The following CDCA7L variants were observed in gnomAD, a reference collection of about 807,000 sequenced individuals.
CDCA7L encodes the protein cell division cycle associated 7 like, also known as cell division cycle-associated 7-like protein.
CDCA7L carries 44 observed loss-of-function variants against 57.4 expected under a neutral mutation model. That is an observed-to-expected ratio of 0.77 (90% CI 0.60 to 0.98). CDCA7L has a LOEUF of 0.98. CDCA7L is among the 50% of genes least tolerant of loss of function. The probability of loss-of-function intolerance (pLI) is 0.00; values close to 1 mark genes in which losing one functional copy is unlikely to be tolerated. For missense variants in CDCA7L, 644 were observed against 580.6 expected (o/e 1.11, Z -1.12); for synonymous variants, 236 against 202.8 (o/e 1.16, Z -1.39).
rs1291042776 is a variant in CDCA7L at position 21,906,348 on chromosome 7, C to T, written c.862G>A (p.Val288Ile). 1 of 1,613,238 alleles carries T rather than the reference C, an allele frequency of 6.2e-7. No homozygotes were observed. The highest frequency in any genetic ancestry group is 1.3e-5 in the African/African-American group (1 of 74,858). Residue 288 changes from valine (V) to isoleucine (I), a missense_variant, in exon 6 of 10, where the codon GTC becomes ATC. By Grantham distance (29) the Val-to-Ile change is conservative. Transcript: ENST00000406877. ...TCTTCCGCAAATTTAGCGGCTGAGA[C>T]AGTGAAGTTCTCTAGAGCAAACTTC... ...PEKFALENFTVSAAKFAEEFY... is the reference protein window; with the variant it reads ...PEKFALENFTISAAKFAEEFY...
chr7:21,914,028 C>T (rs1785408350), intron 2 of CDCA7L, among the ~76,000 whole-genome samples: 1 of 152,190 alleles, frequency 6.6e-6, no homozygotes, highest in African/African-American at 2.4e-5. Flanking sequence ...ATACTGGGTG[C>T]TATGCTATAG....
chr7:21,936,609 A>G (rs1435689961), intron 1 of CDCA7L, among the ~76,000 whole-genome samples: 1 of 152,172 alleles, frequency 6.6e-6, no homozygotes, highest in Non-Finnish European at 1.5e-5. Flanking sequence ...CATCTGACAA[A>G]ATTCAACACC....
intron 1 of CDCA7L, among the ~76,000 whole-genome samples, chr7:21,941,999 G>A (rs1395329593): frequency 3.3e-5 from 5 of 152,178 alleles, no homozygotes; most frequent in Admixed American, 1.3e-4. Flanking sequence ...AGAAGAGGAA[G>A]GGAGTTCAAG....
intron 1 of CDCA7L, among the ~76,000 whole-genome samples, chr7:21,932,291 C>T (rs1204888698): frequency 6.6e-6 from 1 of 151,944 alleles, no homozygotes; most frequent in Admixed American, 6.6e-5. Context: ...TACAGAATTA[C>T]AAAAATCTAC....
Position 21,904,363 on chromosome 7 carries a change from G to A in CDCA7L, c.1048-104C>T, listed in dbSNP as rs146760401. ...TCCAAGTATATGAAGAAATACCCCC[G>A]TCTCCTCGAATCAAGCAGGACTGTT... On this transcript the variant is annotated intron_variant, in intron 7 of 9. Transcript: ENST00000406877. The A allele has an allele frequency of 3.8e-4, 438 of 1,144,796 alleles. No homozygotes were observed. The African/African-American group carries it at 4.2e-3, about 11-fold the overall frequency. The allele number at this position is 1,144,796 out of a possible 1,614,324, so 70.9% of individuals were successfully genotyped here.
In CDCA7L at chr7:21,931,235, C is replaced by T. The variant is rs138594667; in HGVS notation, c.25-14341G>A. 4.4e-3 allele frequency among the ~76,000 whole-genome samples: 675 copies of T among 152,228 alleles called. 6 individuals are homozygous for T. The highest frequency in any genetic ancestry group is 0.042 in the East Asian group (216 of 5,180). The stretch of plus-strand genomic sequence containing the variant: ...TGGTACCATTCCTTCTAAAACTATT[C>T]CAAACAACAGAAAAAGAGGGAATCC... On this transcript the variant is annotated intron_variant, in intron 1 of 9. Transcript: ENST00000406877.
chr7:21,902,630 C>G, intron 9 of CDCA7L: 1 of 527,796 alleles, frequency 1.9e-6, no homozygotes, highest in Admixed American at 3.2e-5. Context: ...TTGCCCTGAA[C>G]TCTCTCTCTG....
chr7:21,917,618 T>G (rs1284866258), intron 1 of CDCA7L, among the ~76,000 whole-genome samples: 1 of 152,244 alleles, frequency 6.6e-6, no homozygotes, highest in African/African-American at 2.4e-5. Context: ...TGATTCTTTA[T>G]CTAGACCCAT....
At chr7:21,945,440 A>G (rs1216894389) in intron 1 of CDCA7L, among the ~76,000 whole-genome samples, 1 of 151,578 alleles carries the variant, frequency 6.6e-6, no homozygotes, top group Non-Finnish European at 1.5e-5. Context: ...AGTGCACAAA[A>G]AAAGCCCCTC....
In CDCA7L at chr7:21,902,160, TCTTTGTAAGCATATAAA is replaced by T. The variant is rs530240303; in HGVS notation, c.*145_*161del. 1.3e-3 allele frequency: 927 copies of T among 701,796 alleles called. 4 individuals carry two copies. In the African/African-American group the frequency reaches 0.015, roughly 11 times the overall value. The allele number at this position is 701,796 out of a possible 1,614,324, so 43.5% of individuals were successfully genotyped here. On this transcript the variant is annotated 3_prime_UTR_variant, in exon 10 of 10. Transcript: ENST00000406877. ...TCTGCTCTGCTGTCTTCCTGAGAAA[TCTTTGTAAGCATATAAA>T]CAATCTTTAACAAAAAATAGTAATT...
chr7:21,916,893 ATC>A lies in CDCA7L; in HGVS notation c.25-1_25del. On this transcript the variant is annotated splice_acceptor_variant and coding_sequence_variant, in exon 2 of 10. Transcript: ENST00000406877. LOFTEE classifies it high-confidence loss of function. Reference sequence around the variant, plus strand: ...AAAGATGTCAGCCACTTCTTTAGGGATCTGTTTTGGATTCAAAAGAGGCAGGA... The same window carrying A: ...AAAGATGTCAGCCACTTCTTTAGGGATGTTTTGGATTCAAAAGAGGCAGGA... 1 of 1,613,836 alleles carries A rather than the reference ATC, an allele frequency of 6.2e-7. No homozygotes were observed. The highest frequency in any genetic ancestry group is 1.7e-5 in the Admixed American group (1 of 59,986).
At chr7:21,908,983 C>G (rs1785230949) in intron 3 of CDCA7L, among the ~76,000 whole-genome samples, 1 of 152,182 alleles carries the variant, frequency 6.6e-6, no homozygotes, top group Admixed American at 6.5e-5. Context: ...GCTGACTGCA[C>G]CTCAGGGCAG....
rs1343219099 is a variant in CDCA7L, at chr7:21,901,239, G to C, written c.*1083C>G. The C allele has an allele frequency of 6.2e-7, 1 of 1,606,402 alleles. No individual in the cohort carries two copies. Among genetic ancestry groups the C allele is most frequent in the African/African-American group, 1.4e-5 (1 of 74,002 alleles). On this transcript the variant is annotated 3_prime_UTR_variant, in exon 10 of 10. Coordinates refer to ENST00000406877, the MANE Select transcript of CDCA7L (RefSeq NM_018719.5). ...AATGGGTTCTGGCTGGAGTGGCTCT[G>C]CTTCTAGAAGCGTAAGGTAACACTG...
rs1784823020 is a variant in CDCA7L at position 21,901,296 on chromosome 7, A to AGGATTTTCTAGCAT, written c.*1012_*1025dup. 1 of 1,555,316 alleles carries AGGATTTTCTAGCAT rather than the reference A, an allele frequency of 6.4e-7. No homozygotes were observed. On this transcript the variant is annotated 3_prime_UTR_variant, in exon 10 of 10. Coordinates refer to ENST00000406877, the MANE Select transcript of CDCA7L (RefSeq NM_018719.5). ...CTCTAGCCTCTGCTGGAGTGCAGTG[A>AGGATTTTCTAGCAT]GGATTTTCTAGCATGTTGCTGCACT...
Position 21,901,394 on chromosome 7 carries a change from G to GAAAGTC in CDCA7L, c.*922_*927dup. 1 of 1,208,798 alleles carries GAAAGTC rather than the reference G, an allele frequency of 8.3e-7. No homozygotes were observed. Among genetic ancestry groups the GAAAGTC allele is most frequent in the South Asian group, 2.5e-5 (1 of 39,878 alleles). The allele number at this position is 1,208,798 out of a possible 1,614,324, so 74.9% of individuals were successfully genotyped here. On this transcript the variant is annotated 3_prime_UTR_variant, in exon 10 of 10. Coordinates refer to ENST00000406877, the MANE Select transcript of CDCA7L (RefSeq NM_018719.5). The stretch of plus-strand genomic sequence containing the variant: ...CTTTTTTCAACGCTATCCTTAGAGT[G>GAAAGTC]AAAGTCAGAAAAAAATACTAGAAAC...
rs1251576225 is a variant in CDCA7L at position 21,904,129 on chromosome 7, C to G, written c.1178G>C (p.Arg393Thr). Residue 393 changes from arginine (R) to threonine (T), a missense_variant, in exon 8 of 10, where the codon AGA becomes ACA. Arg to Thr is a moderately conservative substitution (Grantham distance 71). Transcript: ENST00000406877. The stretch of plus-strand genomic sequence containing the variant: ...TCCTACCGGGTCCAGCAATGCCGAT[C>G]TGACATCCTCCCCATAGCGGTTCCG... ...CLRNRYGEDV[R>T]SALLDPDWVC... 2 of 1,605,630 alleles carry G rather than the reference C, an allele frequency of 1.2e-6. No individual in the cohort carries two copies. The highest frequency in any genetic ancestry group is 8.5e-7 in the Non-Finnish European group (1 of 1,176,636).
chr7:21,908,081 C>G, intron 4 of CDCA7L, 49 bp downstream of exon 4: 1 of 1,489,464 alleles, frequency 6.7e-7, no homozygotes, highest in Non-Finnish European at 8.8e-7. Context: ...CCAGCAACTG[C>G]TGCCAGAGCC....
chr7:21,916,830 C>T lies in CDCA7L; in HGVS notation c.89G>A (p.Arg30Gln), dbSNP rs1269833920. ...PSDDEEFVGF[R>Q]DDVPMETLSS... ...GAGGGTTTCCATGGGAACATCATCT[C>T]GGAAGCCAACAAACTCTTCATCATC... is the stretch of plus-strand genomic sequence containing the variant. Residue 30 changes from arginine (R) to glutamine (Q), a missense_variant, in exon 2 of 10, where the codon CGA becomes CAA. By Grantham distance (43) the Arg-to-Gln change is conservative. Transcript: ENST00000406877. The T allele has an allele frequency of 6.8e-6, 11 of 1,613,942 alleles. No individual in the cohort carries two copies. The highest frequency in any genetic ancestry group is 1.3e-5 in the African/African-American group (1 of 74,906).
chr7:21,937,569 C>T (rs1786210401), intron 1 of CDCA7L, among the ~76,000 whole-genome samples: 1 of 151,222 alleles, frequency 6.6e-6, no homozygotes, highest in Admixed American at 6.6e-5. Flanking sequence ...ACCCAGGAGG[C>T]AGAGGTTACA....
Sources: allele counts gnomAD v4.1 joint callset (sites outside exome capture counted in the v4.1 genomes callset), GRCh38; gene constraint gnomAD v4.1.1; transcripts MANE v1.5; gene names NCBI Gene and HGNC (gene_info 2026-07-23, HGNC 2026-07-21).